The following ANK2 variants were observed in gnomAD, a reference collection of about 807,000 sequenced individuals.
ANK2 encodes the protein ankyrin 2.
Under a neutral mutation model 360.5 loss-of-function variants are expected in ANK2, and 83 were observed. That is an observed-to-expected ratio of 0.23 (90% CI 0.19 to 0.28). ANK2 has a LOEUF of 0.28. Ranked by LOEUF, ANK2 falls within the 10% of genes least tolerant of loss-of-function variation. The pLI is 1.00. For synonymous variants in ANK2, 1,740 were observed against 1,759.5 expected (o/e 0.99, Z 0.28); for missense variants, 4,201 against 4,795.7 (o/e 0.88, Z 3.66).
intron 1 of ANK2, among the ~76,000 whole-genome samples, chr4:112,873,835 C>A (rs965923336): frequency 7.9e-5 from 12 of 151,584 alleles, no homozygotes; most frequent in African/African-American, 2.7e-4. Flanking sequence ...AGCCACCATG[C>A]CCGGCCCCTG....
chr4:113,152,815 C>T (rs2154396988), intron 1 of ANK2, among the ~76,000 whole-genome samples: 1 of 151,888 alleles, frequency 6.6e-6, no homozygotes, highest in East Asian at 1.9e-4. Flanking sequence ...CTGGGAGGAA[C>T]TCTTCAGGCC....
At chr4:112,840,684 A>T (rs1035272940) in intron 1 of ANK2, among the ~76,000 whole-genome samples, 5 of 152,262 alleles carry the variant, frequency 3.3e-5, no homozygotes, top group Non-Finnish European at 7.3e-5. Context: ...AATGTCTTAT[A>T]TGCCTAAGTG....
At chr4:112,772,830 A>T in the ANK2 span, among the ~76,000 whole-genome samples, 1 of 152,120 alleles carries the variant, frequency 6.6e-6, no homozygotes, top group African/African-American at 2.4e-5. Context: ...TACATTTGTA[A>T]ATTAATGAGG....
At chr4:112,816,006 G>A (rs1010609194), upstream of ANK2, among the ~76,000 whole-genome samples, 1 of 152,164 alleles carries the variant, frequency 6.6e-6, no homozygotes, top group Non-Finnish European at 1.5e-5. Flanking sequence ...GGAGTCAGTC[G>A]TGGGAACCCC....
chr4:113,326,224 T>C (rs1211372693), intron 26 of ANK2, among the ~76,000 whole-genome samples: 1 of 152,184 alleles, frequency 6.6e-6, no homozygotes, highest in Non-Finnish European at 1.5e-5. Flanking sequence ...AGTGGCACTT[T>C]TGGGTATTCT....
rs112071217 is a variant in ANK2, at chr4:112,841,752, A to G, written c.-40+23488A>G. On this transcript the variant is annotated intron_variant, in intron 1 of 30. Transcript: ENST00000503271. ...CCATAAACTCTTACTCTTCCATTCA[A>G]CAAACACCCTCGCCTAGCTGTGTCC... 5.5e-3 allele frequency among the ~76,000 whole-genome samples: 842 copies of G among 152,312 alleles called. 5 individuals carry two copies. Among genetic ancestry groups the G allele is most frequent in the African/African-American group, 0.019 (786 of 41,568 alleles).
chr4:112,894,517 T>C (rs2150730195), intron 1 of ANK2, among the ~76,000 whole-genome samples: 1 of 152,340 alleles, frequency 6.6e-6, no homozygotes, highest in African/African-American at 2.4e-5. Flanking sequence ...GAGTTGACGA[T>C]AATGGAAGGT....
chr4:112,746,365 A>G, the ANK2 span, among the ~76,000 whole-genome samples: 1 of 152,128 alleles, frequency 6.6e-6, no homozygotes, highest in Non-Finnish European at 1.5e-5. Context: ...TGGTAGAGTT[A>G]TCTTGGGGGT....
the ANK2 span, among the ~76,000 whole-genome samples, chr4:112,721,368 T>C: frequency 2.0e-5 from 3 of 151,794 alleles, no homozygotes. Context: ...AGTGAAACCC[T>C]GTCTCTACTA....
intron 2 of ANK2, among the ~76,000 whole-genome samples, chr4:113,021,539 A>ACACAC (rs34948422): frequency 0.021 from 2,235 of 108,620 alleles, 157 homozygotes; most frequent in African/African-American, 0.066. Context: ...CCCACACACA[A>ACACAC]ACATATATAT....
At chr4:112,747,882 C>G in the ANK2 span, among the ~76,000 whole-genome samples, 8 of 152,214 alleles carry the variant, frequency 5.3e-5, no homozygotes, top group African/African-American at 1.9e-4. Flanking sequence ...CTGGGGTTAT[C>G]AAAATAGTCC....
chr4:113,334,776 T>A (rs1433665240), intron 29 of ANK2, among the ~76,000 whole-genome samples: 1 of 114,600 alleles, frequency 8.7e-6, no homozygotes, highest in Non-Finnish European at 1.8e-5. Context: ...AGAAAGTTAA[T>A]AGATTAATTA....
the ANK2 span, among the ~76,000 whole-genome samples, chr4:112,811,448 A>T: frequency 6.6e-6 from 1 of 152,144 alleles, no homozygotes. Flanking sequence ...TCATATCAAG[A>T]GTTGTACAAT....
At chr4:112,913,357 GTC>G (rs1174426168) in intron 2 of ANK2, among the ~76,000 whole-genome samples, 15 of 152,092 alleles carry the variant, frequency 9.9e-5, no homozygotes, top group Admixed American at 9.8e-4. Flanking sequence ...AATATTATCA[GTC>G]TCTCTGTGTT....
At position 113,161,969 on chromosome 4, in the gene ANK2, C is replaced by T. The variant is rs553392364; in HGVS notation, c.85-12447C>T. Among the ~76,000 whole-genome samples the T allele has an allele frequency of 1.2e-4, 18 of 152,214 alleles. No individual in the cohort carries two copies. The South Asian group carries it at 1.7e-3, about 14-fold the overall frequency. On this transcript the variant is annotated intron_variant, in intron 1 of 45. Transcript: ENST00000357077. Reference sequence around the variant, plus strand: ...ATGGCCTCTATCTTTAGTCCATGCCCGTCTCTTGGACTTTTTAGCCTTGCA... The same window carrying T: ...ATGGCCTCTATCTTTAGTCCATGCCTGTCTCTTGGACTTTTTAGCCTTGCA...
chr4:113,192,876 C>G (rs1004462895), intron 2 of ANK2, among the ~76,000 whole-genome samples: 7 of 149,446 alleles, frequency 4.7e-5, no homozygotes, highest in African/African-American at 1.7e-4. Context: ...CAGGCAAATG[C>G]ACTACCATAT....
chr4:113,305,290 A>C (rs2153803615), intron 23 of ANK2, among the ~76,000 whole-genome samples: 1 of 133,330 alleles, frequency 7.5e-6, no homozygotes, highest in South Asian at 2.5e-4. Context: ...CAGTGAGCCG[A>C]GATCCCGCCA....
chr4:112,823,037 C>A (rs530403887), intron 1 of ANK2, among the ~76,000 whole-genome samples: 1 of 152,250 alleles, frequency 6.6e-6, no homozygotes, highest in East Asian at 1.9e-4. Flanking sequence ...GGGTAAGACT[C>A]CCGCGTTATT....
the ANK2 span, among the ~76,000 whole-genome samples, chr4:112,710,238 T>A: frequency 6.6e-6 from 1 of 152,200 alleles, no homozygotes; most frequent in Non-Finnish European, 1.5e-5. Flanking sequence ...TCACTGTTAC[T>A]TACTATCTTC....
Sources: gnomAD v4.1 joint callset for allele counts (sites outside exome capture counted in the v4.1 genomes callset) on GRCh38, gnomAD v4.1.1 for gene constraint, MANE v1.5 for transcripts, NCBI Gene and HGNC (gene_info 2026-07-23, HGNC 2026-07-21) for gene names.